The following SPTBN1 variants were observed in gnomAD, a reference collection of about 807,000 sequenced individuals.
The protein encoded by SPTBN1 is spectrin beta, non-erythrocytic 1, also known as spectrin beta chain, non-erythrocytic 1.
SPTBN1 carries 32 observed loss-of-function variants against 266.4 expected under a neutral mutation model. The ratio of observed to expected loss-of-function variants is 0.12; its 90% confidence interval spans 0.09 to 0.16. The LOEUF (loss-of-function observed/expected upper bound fraction) is 0.16, where lower values mean the gene tolerates loss of function less well. Among genes scored for constraint, SPTBN1 ranks in the 10% least tolerant of loss-of-function variants. The pLI is 1.00. For synonymous variants in SPTBN1, 1,336 were observed against 1,162.2 expected (o/e 1.15, Z -3.04); for missense variants, 2,296 against 3,067.1 (o/e 0.75, Z 5.94).
chr2:54,630,132 T>A, intron 15 of SPTBN1, 103 bp downstream of exon 15: 1 of 1,442,206 alleles, frequency 6.9e-7, no homozygotes, highest in South Asian at 1.3e-5. Context: ...CATGGGGTCA[T>A]CGACATTGCA....
intron 7 of SPTBN1, among the ~76,000 whole-genome samples, chr2:54,620,477 G>T (rs1677920814): frequency 1.3e-4 from 1 of 7,536 alleles, no homozygotes; most frequent in African/African-American, 5.6e-3. Flanking sequence ...GGAATGGTGA[G>T]GTCAAGTTTG....
chr2:54,536,902 A>C (rs1671639191), intron 2 of SPTBN1, among the ~76,000 whole-genome samples: 1 of 152,048 alleles, frequency 6.6e-6, no homozygotes, highest in Non-Finnish European at 1.5e-5. Flanking sequence ...ACACAGTGGC[A>C]CACACCTATA....
At chr2:54,611,140 A>G (rs1247721857) in intron 3 of SPTBN1, among the ~76,000 whole-genome samples, 1 of 152,250 alleles carries the variant, frequency 6.6e-6, no homozygotes, top group Non-Finnish European at 1.5e-5. Flanking sequence ...ATTTTGCGGT[A>G]GTAAATTATA....
chr2:54,530,115 A>G (rs1671128387), intron 2 of SPTBN1, among the ~76,000 whole-genome samples: 1 of 152,060 alleles, frequency 6.6e-6, no homozygotes, highest in Non-Finnish European at 1.5e-5. Flanking sequence ...CGGTAGATAC[A>G]ATCTAATCTA....
intron 1 of SPTBN1, among the ~76,000 whole-genome samples, chr2:54,497,087 G>A (rs891401807): frequency 2.6e-5 from 4 of 152,288 alleles, no homozygotes; most frequent in South Asian, 2.1e-4. Flanking sequence ...ATGAAGATAC[G>A]AAATCTGCTT....
At chr2:54,636,444 C>G (rs1368790582) in intron 17 of SPTBN1, among the ~76,000 whole-genome samples, 1 of 152,202 alleles carries the variant, frequency 6.6e-6, no homozygotes, top group African/African-American at 2.4e-5. Flanking sequence ...GCTATAGGGG[C>G]AGAGGGCTTT....
chr2:54,656,398 C>G (rs1229836906), intron 29 of SPTBN1, among the ~76,000 whole-genome samples: 2 of 152,160 alleles, frequency 1.3e-5, no homozygotes, highest in African/African-American at 4.8e-5. Context: ...AAACTAACAT[C>G]TATTAAAATT....
In SPTBN1 at chr2:54,649,673, G is replaced by A. The variant is rs1680144349; in HGVS notation, c.5261G>A (p.Arg1754His). The A allele has an allele frequency of 3.1e-6, 5 of 1,613,784 alleles. No homozygotes were observed. Among genetic ancestry groups the A allele is most frequent in the African/African-American group, 1.3e-5 (1 of 74,894 alleles). Residue 1754 changes from arginine (R) to histidine (H), a missense_variant, in exon 26 of 36, where the codon CGC (arginine) becomes CAC (histidine). Coordinates refer to ENST00000356805, the MANE Select transcript of SPTBN1 (RefSeq NM_003128.3). The surrounding 1 kb of genome is among the most constrained non-coding windows in gnomAD (Gnocchi z 6.7). ...GACACCGGGAACATTGGGCAGGAGCGCGTGGACACGGTCAATCACCTGGCA... is the reference window on the plus strand; with the variant it reads ...GACACCGGGAACATTGGGCAGGAGCACGTGGACACGGTCAATCACCTGGCA... ...ARDTGNIGQE[R>H]VDTVNHLADE...
intron 1 of SPTBN1, among the ~76,000 whole-genome samples, chr2:54,518,343 T>C (rs943207748): frequency 6.6e-6 from 1 of 150,852 alleles, no homozygotes; most frequent in African/African-American, 2.4e-5. Flanking sequence ...TTAGGAGAAA[T>C]GCCTAAAGTA....
At chr2:54,639,138 C>A (rs909400656) in intron 18 of SPTBN1, among the ~76,000 whole-genome samples, 4 of 152,316 alleles carry the variant, frequency 2.6e-5, no homozygotes, top group Non-Finnish European at 5.9e-5. Flanking sequence ...GCATTAGTAA[C>A]CCATTTGAGT....
rs768988675 is a variant in SPTBN1, at chr2:54,472,022, G to GTTTTTTTTTTTTT, written c.-48+15515_-48+15527dup. Among the ~76,000 whole-genome samples, 32 of 66,804 alleles carry GTTTTTTTTTTTTT rather than the reference G, an allele frequency of 4.8e-4. 7 individuals carry two copies. The highest frequency in any genetic ancestry group is 0.013 in the Middle Eastern group (1 of 78). The allele number at this position is 66,804 out of a possible 152,430, so 43.8% of individuals were successfully genotyped here. A position where few individuals can be genotyped will look rare whatever the true frequency, so the allele number is the denominator to read the frequency against. Reference sequence around the variant, plus strand: ...GAATAAAAACTGGGGCCCTGAAGATGTTTTTTTTTTTTTTTTTTTTTTTGA... The same window carrying GTTTTTTTTTTTTT: ...GAATAAAAACTGGGGCCCTGAAGATGTTTTTTTTTTTTTTTTTTTTTTTTTTTTTTTTTTTTGA... On this transcript the variant is annotated intron_variant, in intron 1 of 35. Transcript: ENST00000356805.
intron 33 of SPTBN1, 102 bp from the exon 34 acceptor site, chr2:54,665,813 T>G: frequency 7.6e-7 from 1 of 1,313,788 alleles, no homozygotes; most frequent in East Asian, 2.4e-5. Context: ...GGTCACACTG[T>G]GTTGTGTGAG....
chr2:54,661,762 T>A lies in SPTBN1; in HGVS notation c.6420+1763T>A, dbSNP rs1219454824. 4.1e-6 allele frequency: 4 copies of A among 985,368 alleles called. No individual in the cohort carries two copies. In the East Asian group the frequency reaches 3.4e-4, roughly 84 times the overall value. The allele number at this position is 985,368 out of a possible 1,614,324, so 61.0% of individuals were successfully genotyped here. ...TATATATATGTGTGTGTGTTTAAAT[T>A]TTGTATCATCAGGACTGACACCCAA... On this transcript the variant is annotated intron_variant, in intron 32 of 35. Coordinates refer to ENST00000356805, the MANE Select transcript of SPTBN1 (RefSeq NM_003128.3).
chr2:54,457,183 C>G (rs1693097357), intron 1 of SPTBN1: 1 of 145,100 alleles, frequency 6.9e-6, no homozygotes, highest in African/African-American at 2.5e-5. Flanking sequence ...GCCGTCCCCA[C>G]TCTCCCAGGG....
At chr2:54,607,632 AAATT>A (rs1195621346) in intron 3 of SPTBN1, among the ~76,000 whole-genome samples, 16 of 152,124 alleles carry the variant, frequency 1.1e-4, no homozygotes, top group Admixed American at 9.8e-4. Context: ...AAAAATTAAT[AAATT>A]AATTTTTAAA....
At chr2:54,615,633 G>T (rs1023786014) in intron 4 of SPTBN1, among the ~76,000 whole-genome samples, 4 of 152,188 alleles carry the variant, frequency 2.6e-5, no homozygotes, top group African/African-American at 4.8e-5. Flanking sequence ...CATGGTAGGT[G>T]ATGGAGCCTG....
In SPTBN1 at chr2:54,668,593, C is replaced by T. The variant is rs1240658466; in HGVS notation, c.*24C>T. The T allele has an allele frequency of 6.4e-7, 1 of 1,573,294 alleles. No individual in the cohort carries two copies. The highest frequency in any genetic ancestry group is 8.6e-7 in the Non-Finnish European group (1 of 1,157,674). ...GAACTCCTTTCCTTCACCTCCTGCC[C>T]TTCTCTTACCTTTTCAGTGAAATTC... On this transcript the variant is annotated 3_prime_UTR_variant, in exon 36 of 36. Coordinates refer to ENST00000356805, the MANE Select transcript of SPTBN1 (RefSeq NM_003128.3).
At chr2:54,474,164 T>G (rs1052439366) in intron 1 of SPTBN1, among the ~76,000 whole-genome samples, 2 of 152,264 alleles carry the variant, frequency 1.3e-5, no homozygotes, top group African/African-American at 4.8e-5. Context: ...GTTGGCTAGC[T>G]GAAAATAAAT....
chr2:54,632,715 T>G lies in SPTBN1; in HGVS notation c.3714T>G (p.Asp1238Glu). ...AGACTGGCCGGAGGCTGGTGAGCGA[T>G]GGGAACATCAACTCAGATCGCATCC... ...VVETGRRLVS[D>E]GNINSDRIQE... Residue 1238 changes from aspartate (D) to glutamate (E), a missense_variant, in exon 17 of 36, where the codon GAT becomes GAG. This residue lies in a region of SPTBN1 where 386 missense variants were observed against 486.1 expected (regional missense o/e 0.79). Coordinates refer to ENST00000356805, the MANE Select transcript of SPTBN1 (RefSeq NM_003128.3). 6.2e-7 allele frequency: 1 copy of G among 1,614,168 alleles called. No homozygotes were observed. The highest frequency in any genetic ancestry group is 8.5e-7 in the Non-Finnish European group (1 of 1,180,034).
Sources: allele counts gnomAD v4.1 joint callset (sites outside exome capture counted in the v4.1 genomes callset), GRCh38; gene constraint gnomAD v4.1.1; regional missense constraint gnomAD v4.1.1; non-coding constraint Gnocchi (gnomAD v3.1); transcripts MANE v1.5; gene names NCBI Gene and HGNC (gene_info 2026-07-23, HGNC 2026-07-21).